SLC45A3: variants seen among roughly 807,000 people sequenced by gnomAD.
The protein encoded by SLC45A3 is prostate cancer associated protein 2.
Under a neutral mutation model 35.3 loss-of-function variants are expected in SLC45A3, and 17 were observed. That is an observed-to-expected ratio of 0.48 (90% CI 0.33 to 0.72). The LOEUF is 0.72. Ranked by LOEUF, SLC45A3 falls within the 30% of genes least tolerant of loss-of-function variation. SLC45A3 has a pLI of 0.02. For missense variants in SLC45A3, 597 were observed against 731.7 expected (o/e 0.82, Z 2.12); for synonymous variants, 288 against 334.3 (o/e 0.86, Z 1.51).
chr1:205,659,236 A>C lies in SLC45A3; in HGVS notation c.1660T>G (p.Ter554GluextTer49), dbSNP rs1558032902. ...DKSDLAKYSA[*>E] ...CACCCCAATGTGCTGGAAGTTTTCT[A>C]CGCTGAGTATTTGGCCAAGTCGCTC... Residue 554 changes from the stop codon to glutamate (E), a stop_lost, in exon 5 of 5, where the codon TAG becomes GAG. Coordinates refer to ENST00000367145, the MANE Select transcript of SLC45A3 (RefSeq NM_033102.3). This position sits in a 1 kb window ranked among gnomAD's most constrained non-coding sequence, Gnocchi z 5.8. 2 of 1,606,342 alleles carry C rather than the reference A, an allele frequency of 1.2e-6. No individual in the cohort carries two copies. The highest frequency in any genetic ancestry group is 1.7e-6 in the Non-Finnish European group (2 of 1,175,518).
chr1:205,680,017 CGGTCCGCCAGCCGT>C (rs1671377546), intron 1 of SLC45A3, among the ~76,000 whole-genome samples: 1 of 141,992 alleles, frequency 7.0e-6, no homozygotes, highest in African/African-American at 2.5e-5. Context: ...AGCCAGCGGC[CGGTCCGCCAGCCGT>C]CGGCCCGGCC....
In SLC45A3 at chr1:205,659,682, G is replaced by C; in HGVS notation, c.1225-11C>G. On this transcript the variant is annotated splice_polypyrimidine_tract_variant and intron_variant, in intron 4 of 4. Coordinates refer to ENST00000367145, the MANE Select transcript of SLC45A3 (RefSeq NM_033102.3). This position sits in a 1 kb window ranked among gnomAD's most constrained non-coding sequence, Gnocchi z 5.8. ...TTTGGGCAGGAACACCTAAGGCAGA[G>C]GGGTGAAGAAAAGGGGAAGAGGACA... The C allele has an allele frequency of 1.3e-6, 2 of 1,519,256 alleles. No homozygotes were observed. Among genetic ancestry groups the C allele is most frequent in the Non-Finnish European group, 1.8e-6 (2 of 1,135,132 alleles). The allele number at this position is 1,519,256 out of a possible 1,614,324, so 94.1% of individuals were successfully genotyped here.
rs979393683 is a variant in SLC45A3 at position 205,661,885 on chromosome 1, G to A, written c.1200C>T (p.Ala400=). 6 of 1,613,758 alleles carry A rather than the reference G, an allele frequency of 3.7e-6. No individual in the cohort carries two copies. The highest frequency in any genetic ancestry group is 1.7e-5 in the Admixed American group (1 of 59,990). The change falls in exon 4 of 5, where the codon GCC becomes GCT. Residue 400 remains alanine (A), a synonymous_variant. Transcript: ENST00000367145. ...SALQILPYTL[A]SLYHREKQVF... is the part of the protein sequence containing the mutation. ...CCTGCTTCTCCCGGTGGTAGAGGGAGGCCAGTGTGTAGGGCAGGATCTGCA... is the reference window on the plus strand; with the variant it reads ...CCTGCTTCTCCCGGTGGTAGAGGGAAGCCAGTGTGTAGGGCAGGATCTGCA...
At chr1:205,670,635 A>G (rs1274959048) in intron 1 of SLC45A3, among the ~76,000 whole-genome samples, 1 of 152,128 alleles carries the variant, frequency 6.6e-6, no homozygotes, top group African/African-American at 2.4e-5. Flanking sequence ...CCTTTTCTTC[A>G]CCGTTACTGG....
Position 205,664,745 on chromosome 1 carries a change from C to T in SLC45A3, c.-89G>A. On this transcript the variant is annotated 5_prime_UTR_variant, in exon 2 of 5. Coordinates refer to ENST00000367145, the MANE Select transcript of SLC45A3 (RefSeq NM_033102.3). The surrounding 1 kb of genome is among the most constrained non-coding windows in gnomAD (Gnocchi z 5.3). ...TCTGCTCCAGAAGCTGCGGCCTCTC[C>T]TCCTTGCTGCCGCCAACTGCCTAGG... The T allele has an allele frequency of 6.6e-7, 1 of 1,517,658 alleles. No individual in the cohort carries two copies. 94.0% of individuals were successfully genotyped at this position (1,517,658 alleles called of 1,614,324 possible).
chr1:205,665,810 T>TC (rs1356279265), intron 1 of SLC45A3, among the ~76,000 whole-genome samples: 8 of 151,942 alleles, frequency 5.3e-5, no homozygotes, highest in Non-Finnish European at 1.2e-4. Flanking sequence ...ATCCTGTACC[T>TC]CCCCCGCCAA....
At position 205,661,987 on chromosome 1, in the gene SLC45A3, G is replaced by A. The variant is rs557022570; in HGVS notation, c.1098C>T (p.Ala366=). The A allele has an allele frequency of 1.7e-5, 27 of 1,613,978 alleles. 1 individual carries two copies. Among genetic ancestry groups the A allele is most frequent in the African/African-American group, 1.1e-4 (8 of 75,046 alleles). The part of the protein sequence containing the change: ...LASVAAFPVA[A]GATCLSHSVA... ...CACTGTGGGACAGGCATGTGGCACC[G>A]GCAGCCACAGGGAAAGCTGCCACAC... The change falls in exon 4 of 5, where the codon GCC becomes GCT. Residue 366 remains alanine, a synonymous_variant. Transcript: ENST00000367145.
Position 205,658,361 on chromosome 1 carries a change from T to C in SLC45A3, c.*873A>G, listed in dbSNP as rs1289827420. The C allele has an allele frequency of 8.6e-6, 2 of 232,498 alleles. No homozygotes were observed. The highest frequency in any genetic ancestry group is 4.4e-5 in the African/African-American group (2 of 45,318). 14.4% of individuals were successfully genotyped at this position (232,498 alleles called of 1,614,324 possible). A position where few individuals can be genotyped will look rare whatever the true frequency, so the allele number is the denominator to read the frequency against. Reference sequence around the variant, plus strand: ...CCTTGGGTAACAGCATTTGGAATTATCATTTGGGATGAGTAGAATTTCCAA... The same window carrying C: ...CCTTGGGTAACAGCATTTGGAATTACCATTTGGGATGAGTAGAATTTCCAA... On this transcript the variant is annotated 3_prime_UTR_variant, in exon 5 of 5. Transcript: ENST00000367145.
rs1258487389 is a variant in SLC45A3 at position 205,662,200 on chromosome 1, C to T, written c.959-74G>A. ...GAGCAGTCTCAGGGAGATGAGAAGG[C>T]GGAACCACAGGTACCTGCTGCACGA... On this transcript the variant is annotated intron_variant, in intron 3 of 4. Transcript: ENST00000367145. The surrounding 1 kb of genome is among the most constrained non-coding windows in gnomAD (Gnocchi z 6.2). 44 of 1,517,754 alleles carry T rather than the reference C, an allele frequency of 2.9e-5. No individual in the cohort carries two copies. Among genetic ancestry groups the T allele is most frequent in the East Asian group, 9.5e-5 (4 of 42,104 alleles). 94.0% of individuals were successfully genotyped at this position (1,517,754 alleles called of 1,614,324 possible).
Position 205,664,893 on chromosome 1 carries a change from G to C in SLC45A3, c.-230-7C>G. On this transcript the variant is annotated splice_polypyrimidine_tract_variant and splice_region_variant and intron_variant, in intron 1 of 4. Coordinates refer to ENST00000367145, the MANE Select transcript of SLC45A3 (RefSeq NM_033102.3). This position sits in a 1 kb window ranked among gnomAD's most constrained non-coding sequence, Gnocchi z 5.3. ...ACGTCTCATCACTCAGATCCTAGAA[G>C]GGCGGGGCAATCACAAGCACACGGG... 2 of 1,363,016 alleles carry C rather than the reference G, an allele frequency of 1.5e-6. No homozygotes were observed. Among genetic ancestry groups the C allele is most frequent in the Non-Finnish European group, 1.9e-6 (2 of 1,060,508 alleles). 84.4% of individuals were successfully genotyped at this position (1,363,016 alleles called of 1,614,324 possible). A position where few individuals can be genotyped will look rare whatever the true frequency, so the allele number is the denominator to read the frequency against.
At chr1:205,677,233 G>A (rs1671328424) in intron 1 of SLC45A3, among the ~76,000 whole-genome samples, 1 of 152,224 alleles carries the variant, frequency 6.6e-6, no homozygotes, top group Admixed American at 6.5e-5. Flanking sequence ...CAGAGTAGTA[G>A]AGGAGAGACA....
At position 205,663,165 on chromosome 1, in the gene SLC45A3, G is replaced by A. The variant is rs374334926; in HGVS notation, c.626C>T (p.Thr209Ile). The A allele has an allele frequency of 1.9e-6, 3 of 1,612,856 alleles. No individual in the cohort carries two copies. Among genetic ancestry groups the A allele is most frequent in the African/African-American group, 1.3e-5 (1 of 75,062 alleles). ...CACCAGCAGTGTGGCTGCTACGCAG[G>A]TGAGGAAGATGAGGGTGAGCAGGCC... ...LFGLLTLIFL[T>I]CVAATLLVAE... Residue 209 changes from threonine to isoleucine, a missense_variant, in exon 3 of 5, where the codon ACC becomes ATC. By Grantham distance (89) the Thr-to-Ile change is moderately conservative. Around this residue, in one of 3 missense-constraint regions of SLC45A3, gnomAD observed 555 missense variants for 664.9 expected, o/e 0.83. Transcript: ENST00000367145.
At chr1:205,676,781 C>T (rs1391702441) in intron 1 of SLC45A3, among the ~76,000 whole-genome samples, 2 of 152,146 alleles carry the variant, frequency 1.3e-5, no homozygotes, top group Admixed American at 6.5e-5. Context: ...ACCAGCTGCC[C>T]CCCTCCCCAG....
rs1192985744 is a variant in SLC45A3 at position 205,666,851 on chromosome 1, G to A, written c.-230-1965C>T. ...AAGAAGGAAAGCAGGAGACAGCACA[G>A]AGACCAAGAGGCAGTGCTATCCAGC... On this transcript the variant is annotated intron_variant, in intron 1 of 4. Transcript: ENST00000367145. The surrounding 1 kb of genome is among the most constrained non-coding windows in gnomAD (Gnocchi z 4.1). Among the ~76,000 whole-genome samples, 1 of 152,176 alleles carries A rather than the reference G, an allele frequency of 6.6e-6. No homozygotes were observed. The highest frequency in any genetic ancestry group is 1.5e-5 in the Non-Finnish European group (1 of 68,034).
intron 4 of SLC45A3, among the ~76,000 whole-genome samples, chr1:205,660,416 A>G (rs1670998538): frequency 6.6e-6 from 1 of 152,156 alleles, no homozygotes. Context: ...CTCCTATTTA[A>G]GGACAAGGCC....
chr1:205,670,697 G>A (rs972999830), intron 1 of SLC45A3, among the ~76,000 whole-genome samples: 1 of 152,216 alleles, frequency 6.6e-6, no homozygotes, highest in Non-Finnish European at 1.5e-5. Flanking sequence ...TGCAGGCCGG[G>A]ACACAAAGGG....
Position 205,659,152 on chromosome 1 carries a change from C to T in SLC45A3, c.*82G>A. The T allele has an allele frequency of 3.5e-6, 5 of 1,440,764 alleles. No individual in the cohort carries two copies. The highest frequency in any genetic ancestry group is 4.7e-6 in the Non-Finnish European group (5 of 1,063,472). 89.2% of individuals were successfully genotyped at this position (1,440,764 alleles called of 1,614,324 possible). A position where few individuals can be genotyped will look rare whatever the true frequency, so the allele number is the denominator to read the frequency against. ...GCAGCAACAGAAACTGGCGGCCAGC[C>T]CGGCAGCCCCATGGGGCTAACAGGA... On this transcript the variant is annotated 3_prime_UTR_variant, in exon 5 of 5. Transcript: ENST00000367145. This position sits in a 1 kb window ranked among gnomAD's most constrained non-coding sequence, Gnocchi z 5.8.
chr1:205,659,724 T>A lies in SLC45A3; in HGVS notation c.1225-53A>T, dbSNP rs1670985970. On this transcript the variant is annotated intron_variant, in intron 4 of 4. Coordinates refer to ENST00000367145, the MANE Select transcript of SLC45A3 (RefSeq NM_033102.3). This position sits in a 1 kb window ranked among gnomAD's most constrained non-coding sequence, Gnocchi z 5.8. ...AAGAGGACAGGTGTGTACCCAGCAC[T>A]GGCACCACCCCAGCTGTGAGAACAG... The A allele has an allele frequency of 1.4e-6, 2 of 1,475,398 alleles. No individual in the cohort carries two copies. The highest frequency in any genetic ancestry group is 4.7e-5 in the East Asian group (2 of 42,826). The allele number at this position is 1,475,398 out of a possible 1,614,324, so 91.4% of individuals were successfully genotyped here. A position where few individuals can be genotyped will look rare whatever the true frequency, so the allele number is the denominator to read the frequency against.
At chr1:205,668,971 T>A (rs1427206530) in intron 1 of SLC45A3, among the ~76,000 whole-genome samples, 4 of 151,996 alleles carry the variant, frequency 2.6e-5, no homozygotes, top group Admixed American at 1.3e-4. Flanking sequence ...CCCCTCCAGG[T>A]ACTGGGAGAT....
Sources: gnomAD v4.1 joint callset for allele counts (sites outside exome capture counted in the v4.1 genomes callset) on GRCh38, gnomAD v4.1.1 for gene constraint, gnomAD v4.1.1 regional missense constraint, Gnocchi (gnomAD v3.1) non-coding constraint, MANE v1.5 for transcripts, NCBI Gene and HGNC (gene_info 2026-07-23, HGNC 2026-07-21) for gene names.